NOS1AP: variants seen among roughly 807,000 people sequenced by gnomAD.
NOS1AP encodes nitric oxide synthase 1 adaptor protein.
NOS1AP carries 21 observed loss-of-function variants against 56.2 expected under a neutral mutation model. That is an observed-to-expected ratio of 0.37 (90% CI 0.26 to 0.54). The LOEUF (loss-of-function observed/expected upper bound fraction) is 0.54. Among genes scored for constraint, NOS1AP ranks in the 20% least tolerant of loss-of-function variants. NOS1AP has a pLI of 0.84. For missense variants in NOS1AP, 522 were observed against 657.8 expected, an observed-to-expected ratio of 0.79 and a Z score of 2.26; for synonymous variants, 270 against 274.6, an observed-to-expected ratio of 0.98 and a Z score of 0.17.
chr1:162,361,092 C>T (rs1657887701), intron 8 of NOS1AP, among the ~76,000 whole-genome samples: 1 of 152,106 alleles, frequency 6.6e-6, no homozygotes, highest in Non-Finnish European at 1.5e-5. Flanking sequence ...CCCTGGCACT[C>T]GGGACGTGGC....
At chr1:162,142,358 C>T (rs1337321968) in intron 1 of NOS1AP, among the ~76,000 whole-genome samples, 1 of 152,026 alleles carries the variant, frequency 6.6e-6, no homozygotes, top group Non-Finnish European at 1.5e-5. Context: ...TTTGTAGAAG[C>T]CCTTTATTAG....
intron 1 of NOS1AP, among the ~76,000 whole-genome samples, chr1:162,079,965 G>A (rs546608402): frequency 1.3e-5 from 2 of 152,298 alleles, no homozygotes; most frequent in Admixed American, 6.5e-5. Context: ...CTAGGTTCTG[G>A]TGCATGCCAC....
At chr1:162,268,653 C>A (rs1365064695) in intron 2 of NOS1AP, among the ~76,000 whole-genome samples, 8 of 152,028 alleles carry the variant, frequency 5.3e-5, no homozygotes, top group Non-Finnish European at 8.8e-5. Flanking sequence ...ACAGAGATAG[C>A]AGGGGATTAG....
chr1:162,340,350 G>T (rs1021794963), intron 5 of NOS1AP, among the ~76,000 whole-genome samples: 2 of 152,060 alleles, frequency 1.3e-5, no homozygotes, highest in Non-Finnish European at 2.9e-5. Flanking sequence ...GATCCATTTG[G>T]CTCAGGAATT....
At chr1:162,238,819 TA>T (rs1653388839) in intron 2 of NOS1AP, among the ~76,000 whole-genome samples, 1 of 152,168 alleles carries the variant, frequency 6.6e-6, no homozygotes, top group African/African-American at 2.4e-5. Flanking sequence ...GAAGACAGCA[TA>T]AAAAAGTTGG....
intron 4 of NOS1AP, among the ~76,000 whole-genome samples, chr1:162,308,755 C>T (rs1349043363): frequency 2.0e-5 from 3 of 152,282 alleles, no homozygotes; most frequent in East Asian, 1.9e-4. Context: ...AGCTGAGTAG[C>T]AATAAATTGG....
chr1:162,242,706 A>G (rs911074039), intron 2 of NOS1AP, among the ~76,000 whole-genome samples: 11 of 152,332 alleles, frequency 7.2e-5, no homozygotes, highest in African/African-American at 2.6e-4. Context: ...GTAATTTGTT[A>G]TATAGAAATG....
intron 2 of NOS1AP, among the ~76,000 whole-genome samples, chr1:162,198,351 T>G (rs1445107842): frequency 6.6e-6 from 1 of 152,236 alleles, no homozygotes; most frequent in Non-Finnish European, 1.5e-5. Context: ...CTGATGTCAG[T>G]CTGACTTTTT....
intron 2 of NOS1AP, among the ~76,000 whole-genome samples, chr1:162,158,702 CT>C (rs369882349): frequency 2.0e-5 from 3 of 152,202 alleles, no homozygotes; most frequent in African/African-American, 7.2e-5. Context: ...TACTTTCCCC[CT>C]CTCTGTGCCA....
intron 1 of NOS1AP, among the ~76,000 whole-genome samples, chr1:162,093,444 CAT>C (rs1156618780): frequency 6.6e-6 from 1 of 152,130 alleles, no homozygotes; most frequent in Non-Finnish European, 1.5e-5. Flanking sequence ...GAGTGCTTTT[CAT>C]ATTCAGGCAG....
intron 2 of NOS1AP, among the ~76,000 whole-genome samples, chr1:162,155,399 C>A (rs375443325): frequency 1.1e-5 from 1 of 93,710 alleles, no homozygotes; most frequent in African/African-American, 3.7e-5. Flanking sequence ...ATATAGAGAG[C>A]TCATATATAT....
chr1:162,153,865 A>C (rs900011687), intron 1 of NOS1AP, among the ~76,000 whole-genome samples: 1 of 152,234 alleles, frequency 6.6e-6, no homozygotes, highest in African/African-American at 2.4e-5. Context: ...TAAATAAATT[A>C]ATTCATTTCT....
chr1:162,276,786 G>A (rs1654746245), intron 2 of NOS1AP, among the ~76,000 whole-genome samples: 1 of 152,180 alleles, frequency 6.6e-6, no homozygotes, highest in Non-Finnish European at 1.5e-5. Flanking sequence ...TTGTGTATTG[G>A]TTACTGTATT....
At chr1:162,287,509 C>T in intron 3 of NOS1AP, 73 bp downstream of exon 3, 1 of 934,514 alleles carries the variant, frequency 1.1e-6, no homozygotes, top group South Asian at 1.3e-5. Context: ...CCTTCTTCTT[C>T]TGGGCCCACC....
At chr1:162,268,823 A>G (rs758798381) in intron 2 of NOS1AP, among the ~76,000 whole-genome samples, 1 of 152,162 alleles carries the variant, frequency 6.6e-6, no homozygotes, top group African/African-American at 2.4e-5. Flanking sequence ...AAAACAAAAA[A>G]TTAGAATAGA....
chr1:162,340,833 T>G (rs1425076800), intron 5 of NOS1AP, among the ~76,000 whole-genome samples: 1 of 152,124 alleles, frequency 6.6e-6, no homozygotes, highest in East Asian at 1.9e-4. Flanking sequence ...GAAAATGAAG[T>G]GTTATCAATA....
chr1:162,130,906 C>A (rs980701156), intron 1 of NOS1AP, among the ~76,000 whole-genome samples: 2 of 152,104 alleles, frequency 1.3e-5, no homozygotes, highest in East Asian at 1.9e-4. Context: ...GTCGGGTAGT[C>A]CAGATTTGGC....
At chr1:162,143,460 T>C (rs1440894043) in intron 1 of NOS1AP, among the ~76,000 whole-genome samples, 1 of 152,156 alleles carries the variant, frequency 6.6e-6, no homozygotes, top group Non-Finnish European at 1.5e-5. Context: ...GATTTTATAA[T>C]ATTTTCTAAA....
chr1:162,219,915 C>G (rs1652713192), intron 2 of NOS1AP, among the ~76,000 whole-genome samples: 1 of 152,106 alleles, frequency 6.6e-6, no homozygotes, highest in African/African-American at 2.4e-5. Flanking sequence ...CAATAAACTT[C>G]TTCTTTTCTG....
Sources: gnomAD v4.1 joint callset for allele counts (sites outside exome capture counted in the v4.1 genomes callset) on GRCh38, gnomAD v4.1.1 for gene constraint, MANE v1.5 for transcripts, NCBI Gene and HGNC (gene_info 2026-07-23, HGNC 2026-07-21) for gene names.